The following PHKA1 variants were observed in gnomAD, a reference collection of about 807,000 sequenced individuals.
The protein encoded by PHKA1 is phosphorylase kinase regulatory subunit alpha 1, also known as phosphorylase b kinase regulatory subunit alpha, skeletal muscle isoform.
PHKA1 carries 60 observed loss-of-function variants against 110.2 expected under a neutral mutation model. That is an observed-to-expected ratio of 0.54 (90% CI 0.44 to 0.68). The LOEUF (loss-of-function observed/expected upper bound fraction) is 0.68, where lower values mean the gene tolerates loss of function less well. Ranked by LOEUF, PHKA1 falls within the 30% of genes least tolerant of loss-of-function variation. The pLI is 0.00. For missense variants in PHKA1, 801 were observed against 942.5 expected, an observed-to-expected ratio of 0.85 and a Z score of 1.97; for synonymous variants, 316 against 333.6, an observed-to-expected ratio of 0.95 and a Z score of 0.58.
chrX:72,703,034 CATAT>C, intron 3 of PHKA1, among the ~76,000 whole-genome samples: 1 of 111,673 alleles, frequency 9.0e-6, no homozygotes, highest in East Asian at 2.8e-4. Context: ...ATACTTCTTA[CATAT>C]ATTGATTGAT....
intron 6 of PHKA1, among the ~76,000 whole-genome samples, chrX:72,673,209 T>A (rs1184627744): frequency 9.0e-6 from 1 of 111,646 alleles, no homozygotes; most frequent in East Asian, 2.8e-4. Context: ...ATCATGGTTA[T>A]AAAAGAGTCC....
Position 72,645,879 on chromosome X carries a change from G to A in PHKA1, c.1325-1383C>T, listed in dbSNP as rs1245788511. 3.6e-5 allele frequency among the ~76,000 whole-genome samples: 4 copies of A among 112,039 alleles called. No individual in the cohort carries two copies. In the South Asian group the frequency reaches 1.1e-3, roughly 32 times the overall value. ...CACCTAGGTAGTGTGGGGTTGGGAG[G>A]AGTAGTATCAGGAAAGGCTTCTGCA... On this transcript the variant is annotated intron_variant, in intron 13 of 31. Coordinates refer to ENST00000373542, the MANE Select transcript of PHKA1 (RefSeq NM_002637.4).
intron 28 of PHKA1, chrX:72,599,969 C>A: frequency 2.3e-6 from 1 of 432,855 alleles, no homozygotes. Context: ...CAGACTATTT[C>A]AGTATGTAGT....
At position 72,691,219 on chromosome X, in the gene PHKA1, A is replaced by C. The variant is rs782757426; in HGVS notation, c.454+4489T>G. 1.8e-4 allele frequency among the ~76,000 whole-genome samples: 20 copies of C among 112,745 alleles called. No homozygotes were observed. In the South Asian group the frequency reaches 5.5e-3, roughly 31 times the overall value. On this transcript the variant is annotated intron_variant, in intron 4 of 31. Transcript: ENST00000373542. ...CTTTGTCAAAAATCAACTGAGCATAAAGTGATGGCTTATTTCTAACCTCTC... is the reference window on the plus strand; with the variant it reads ...CTTTGTCAAAAATCAACTGAGCATACAGTGATGGCTTATTTCTAACCTCTC...
At chrX:72,678,088 G>A (rs1475732312) in intron 5 of PHKA1, among the ~76,000 whole-genome samples, 3 of 110,961 alleles carry the variant, frequency 2.7e-5, no homozygotes, top group South Asian at 3.9e-4. Flanking sequence ...CTTTTTGAAC[G>A]TTTCTTCACT....
intron 5 of PHKA1, among the ~76,000 whole-genome samples, chrX:72,676,737 G>C (rs782026196): frequency 3.6e-5 from 4 of 111,576 alleles, no homozygotes; most frequent in Non-Finnish European, 7.5e-5. Flanking sequence ...CTCTTAGCCA[G>C]AGCTCTATAA....
At chrX:72,705,998 C>T (rs959278773) in intron 2 of PHKA1, among the ~76,000 whole-genome samples, 14 of 111,775 alleles carry the variant, frequency 1.3e-4, no homozygotes, top group Admixed American at 1.2e-3. Flanking sequence ...TTTCACAGTC[C>T]AAAAGAAATC....
Position 72,644,501 on chromosome X carries a change from A to G in PHKA1, c.1325-5T>C, listed in dbSNP as rs782617448. ...CTGTTTCAGCTAGAATGGAGACTAGAGGAGACAAAGAAGATGAGGTCAACA... is the reference window on the plus strand; with the variant it reads ...CTGTTTCAGCTAGAATGGAGACTAGGGGAGACAAAGAAGATGAGGTCAACA... On this transcript the variant is annotated splice_region_variant and splice_polypyrimidine_tract_variant and intron_variant, in intron 13 of 31. Transcript: ENST00000373542. 1.5e-5 allele frequency: 18 copies of G among 1,204,197 alleles called. 1 individual carries two copies. The South Asian group carries it at 3.2e-4, about 21-fold the overall frequency.
chrX:72,636,551 TAC>T (rs1556291999), intron 14 of PHKA1, among the ~76,000 whole-genome samples, 165 bp from the exon 15 acceptor site: 1 of 112,283 alleles, frequency 8.9e-6, no homozygotes, highest in Admixed American at 9.4e-5. Flanking sequence ...GTCTTCTTTT[TAC>T]AGTTTAGCAT....
In PHKA1 at chrX:72,713,871, G is replaced by A; in HGVS notation, c.10C>T (p.Arg4Trp). 2.5e-6 allele frequency: 3 copies of A among 1,200,533 alleles called. No individual in the cohort carries two copies. The highest frequency in any genetic ancestry group is 3.4e-6 in the Non-Finnish European group (3 of 885,396). The change falls in exon 1 of 32, where the codon CGG (arginine) becomes TGG (tryptophan). Residue 4 changes from arginine (R) to tryptophan (W), a missense_variant. Coordinates refer to ENST00000373542, the MANE Select transcript of PHKA1 (RefSeq NM_002637.4). MRS[R>W]SNSGVRLDGY... ...TCCAGCCGGACCCCGGAGTTACTCC[G>A]GCTCCTCATGGCGACACGTTACTAA...
At chrX:72,643,344 A>G (rs1223360690) in intron 14 of PHKA1, among the ~76,000 whole-genome samples, 1 of 111,494 alleles carries the variant, frequency 9.0e-6, no homozygotes, top group Non-Finnish European at 1.9e-5. Context: ...ATCTTTTACA[A>G]ATCTACTCCC....
rs782349714 is a variant in PHKA1, at chrX:72,683,400, T to C, written c.537+1098A>G. On this transcript the variant is annotated intron_variant, in intron 5 of 31. Coordinates refer to ENST00000373542, the MANE Select transcript of PHKA1 (RefSeq NM_002637.4). ...CTGCAGTGAGCCTCGATCATGCCAC[T>C]GCACTTCAGCCTGGGCAACAGACAA... 2.7e-5 allele frequency among the ~76,000 whole-genome samples: 3 copies of C among 112,231 alleles called. No individual in the cohort carries two copies. The East Asian group carries it at 8.3e-4, about 31-fold the overall frequency.
In PHKA1 at chrX:72,714,258, C is replaced by G; in HGVS notation, c.-378G>C. 1 of 160,301 alleles carries G rather than the reference C, an allele frequency of 6.2e-6. No individual in the cohort carries two copies. Among genetic ancestry groups the G allele is most frequent in the Non-Finnish European group, 1.2e-5 (1 of 85,074 alleles). 13.2% of individuals were successfully genotyped at this position (160,301 alleles called of 1,213,427 possible). ...TCCCGCCCGGCCGCCGCCAACAGGTCAACGACCGCTGCGCCGCCTCCACCT... is the reference window on the plus strand; with the variant it reads ...TCCCGCCCGGCCGCCGCCAACAGGTGAACGACCGCTGCGCCGCCTCCACCT... On this transcript the variant is annotated 5_prime_UTR_variant, in exon 1 of 32. Transcript: ENST00000373542.
At chrX:72,655,973 T>G (rs1221819420) in intron 10 of PHKA1, 147 bp downstream of exon 10, 41 of 667,678 alleles carry the variant, frequency 6.1e-5, no homozygotes, top group Non-Finnish European at 7.7e-5. Context: ...CTTTTTACTC[T>G]TAGTGCCCTC....
chrX:72,654,470 C>T (rs1470427956), intron 10 of PHKA1, among the ~76,000 whole-genome samples: 1 of 111,398 alleles, frequency 9.0e-6, no homozygotes, highest in African/African-American at 3.3e-5. Context: ...CTCTTTTTCT[C>T]TGTTTTCTCT....
At chrX:72,629,901 T>C (rs2053139254) in intron 16 of PHKA1, among the ~76,000 whole-genome samples, 2 of 112,022 alleles carry the variant, frequency 1.8e-5, no homozygotes, top group Admixed American at 9.5e-5. Flanking sequence ...ATTAAAGTGA[T>C]GTATAGAATC....
intron 29 of PHKA1, among the ~76,000 whole-genome samples, chrX:72,586,671 G>GT (rs1220229484): frequency 9.1e-6 from 1 of 110,328 alleles, no homozygotes; most frequent in Middle Eastern, 4.2e-3. Context: ...CACAAGGAAG[G>GT]TAAAAACCTT....
intron 11 of PHKA1, 137 bp from the exon 12 acceptor site, chrX:72,652,788 C>T (rs1009046725): frequency 6.3e-5 from 32 of 507,212 alleles, no homozygotes; most frequent in African/African-American, 6.3e-4. Flanking sequence ...AGCACTATCA[C>T]TATAATCTAG....
chrX:72,674,533 T>C (rs1428964934), intron 6 of PHKA1, among the ~76,000 whole-genome samples: 6 of 112,115 alleles, frequency 5.4e-5, no homozygotes, highest in Non-Finnish European at 9.4e-5. Context: ...ACTATGGTTT[T>C]GATTTGCATT....
Sources: allele counts gnomAD v4.1 joint callset (sites outside exome capture counted in the v4.1 genomes callset), GRCh38; gene constraint gnomAD v4.1.1; transcripts MANE v1.5; gene names NCBI Gene and HGNC (gene_info 2026-07-23, HGNC 2026-07-21).